Variants in EHD4 observed in about 807,000 individuals in gnomAD.
The protein encoded by EHD4 is EH domain containing 4.
Under a neutral mutation model 51.0 loss-of-function variants are expected in EHD4, and 37 were observed. The ratio of observed to expected loss-of-function variants is 0.73; its 90% confidence interval spans 0.56 to 0.95. EHD4 has a LOEUF of 0.95. EHD4 is among the 40% of genes least tolerant of loss of function. The pLI is 0.00. For synonymous variants in EHD4, 297 were observed against 317.3 expected (o/e 0.94, Z 0.68); for missense variants, 632 against 733.1 (o/e 0.86, Z 1.59).
At chr15:41,964,326 T>C (rs1566828242) in intron 1 of EHD4, among the ~76,000 whole-genome samples, 1 of 152,098 alleles carries the variant, frequency 6.6e-6, no homozygotes, top group African/African-American at 2.4e-5. Flanking sequence ...GAGTGCCCCA[T>C]GGCTCACGCC....
At chr15:41,961,727 A>G (rs1353744701) in intron 1 of EHD4, among the ~76,000 whole-genome samples, 1 of 152,244 alleles carries the variant, frequency 6.6e-6, no homozygotes, top group African/African-American at 2.4e-5. Flanking sequence ...TAATTTATAG[A>G]TAAGAAGCCA....
intron 2 of EHD4, among the ~76,000 whole-genome samples, chr15:41,949,397 C>A (rs371678916): frequency 1.3e-5 from 2 of 151,854 alleles, no homozygotes; most frequent in African/African-American, 4.8e-5. Flanking sequence ...AAAATAAAAT[C>A]AAAACTCAAA....
At chr15:41,902,991 C>T (rs1005951412) in intron 5 of EHD4, among the ~76,000 whole-genome samples, 5 of 151,570 alleles carry the variant, frequency 3.3e-5, no homozygotes, top group African/African-American at 1.2e-4. Flanking sequence ...TTGTTTATTG[C>T]AAGAGACAAA....
At chr15:41,969,049 G>A (rs79789105) in intron 1 of EHD4, among the ~76,000 whole-genome samples, 2,288 of 152,292 alleles carry the variant, frequency 0.015, 54 homozygotes, top group African/African-American at 0.052. Context: ...TCTCTACATA[G>A]AAGATCATGT....
chr15:41,962,678 G>C (rs911341763), intron 1 of EHD4, among the ~76,000 whole-genome samples: 2 of 152,016 alleles, frequency 1.3e-5, no homozygotes, highest in African/African-American at 4.8e-5. Context: ...GGGAGGCGGG[G>C]GGCAGCCCCC....
chr15:41,919,629 G>A lies in EHD4; in HGVS notation c.512-7C>T, dbSNP rs773912115. ...ACCTGGCAGAAGTCATAGCCTGGGT[G>A]GAGAGAAGGACACGTCAGTGTAGCC... On this transcript the variant is annotated splice_region_variant and splice_polypyrimidine_tract_variant and intron_variant, in intron 3 of 5. Transcript: ENST00000220325. 6.6e-7 allele frequency: 1 copy of A among 1,508,918 alleles called. No individual in the cohort carries two copies. Among genetic ancestry groups the A allele is most frequent in the Non-Finnish European group, 8.9e-7 (1 of 1,129,650 alleles). 93.5% of individuals were successfully genotyped at this position (1,508,918 alleles called of 1,614,324 possible).
rs142907936 is a variant in EHD4 at position 41,900,984 on chromosome 15, G to A, written c.1287C>T (p.Tyr429=). The A allele has an allele frequency of 6.0e-5, 96 of 1,609,804 alleles. 1 individual carries two copies. Among genetic ancestry groups the A allele is most frequent in the Middle Eastern group, 1.7e-4 (1 of 6,052 alleles). Residue 429 remains tyrosine, a synonymous_variant, in exon 6 of 6, where the codon TAC becomes TAT. Transcript: ENST00000220325. This position sits in a 1 kb window ranked among gnomAD's most constrained non-coding sequence, Gnocchi z 4.8. ...CGGCGCCCTCCTTGGCACCCTCCCC[G>A]TAGCCCTGGTTGAAGGGGCCCTCGG... ...GTTEGPFNQG[Y]GEGAKEGADE...
rs199653510 is a variant in EHD4 at position 41,917,281 on chromosome 15, T to G, written c.924+1929A>C. 2.0e-5 allele frequency among the ~76,000 whole-genome samples: 3 copies of G among 152,010 alleles called. No individual in the cohort carries two copies. The East Asian group carries it at 5.8e-4, about 29-fold the overall frequency. On this transcript the variant is annotated intron_variant, in intron 4 of 5. Transcript: ENST00000220325. ...GATTACAGGTGCCTGCCACCATGCC[T>G]GGCTAATTTTTGTATTTTTAGTAGA... is the stretch of plus-strand genomic sequence containing the variant.
intron 1 of EHD4, among the ~76,000 whole-genome samples, chr15:41,964,731 A>G (rs1416864909): frequency 6.6e-6 from 1 of 150,884 alleles, no homozygotes; most frequent in Non-Finnish European, 1.5e-5. Context: ...AAAGATAGAT[A>G]CATAGATTTA....
intron 1 of EHD4, among the ~76,000 whole-genome samples, chr15:41,958,815 T>C (rs1448960673): frequency 1.3e-5 from 2 of 152,180 alleles, no homozygotes; most frequent in African/African-American, 2.4e-5. Flanking sequence ...AACTACCTTA[T>C]GGGCAGGTAC....
chr15:41,948,819 A>T (rs193152230), intron 2 of EHD4, among the ~76,000 whole-genome samples: 1 of 151,844 alleles, frequency 6.6e-6, no homozygotes, highest in Non-Finnish European at 1.5e-5. Context: ...GCTTGGGCCC[A>T]GGAGTTCAAG....
intron 3 of EHD4, among the ~76,000 whole-genome samples, chr15:41,927,110 C>T (rs915505232): frequency 2.0e-5 from 3 of 152,200 alleles, no homozygotes; most frequent in Admixed American, 1.3e-4. Flanking sequence ...AGCACTTATA[C>T]TCTGAAATGG....
At chr15:41,968,992 A>G (rs1393987780) in intron 1 of EHD4, among the ~76,000 whole-genome samples, 1 of 152,180 alleles carries the variant, frequency 6.6e-6, no homozygotes, top group Non-Finnish European at 1.5e-5. Context: ...TTGTTGAACT[A>G]TAGTTTCCCC....
At chr15:41,904,600 C>T (rs967707226) in intron 5 of EHD4, among the ~76,000 whole-genome samples, 1 of 152,248 alleles carries the variant, frequency 6.6e-6, no homozygotes, top group Non-Finnish European at 1.5e-5. Context: ...TTCCCAGCCC[C>T]GTCTCTGGTG....
chr15:41,936,028 C>T (rs11638621), intron 3 of EHD4, among the ~76,000 whole-genome samples: 69,091 of 152,102 alleles, frequency 0.45, 16,740 homozygotes, highest in East Asian at 0.62. Flanking sequence ...ATGACAACTA[C>T]TAAGAGTAGT....
intron 4 of EHD4, among the ~76,000 whole-genome samples, chr15:41,918,257 C>G (rs2067599228): frequency 6.7e-6 from 1 of 148,174 alleles, no homozygotes. Context: ...CATGTTTACA[C>G]ACATGCATAT....
rs1230510040 is a variant in EHD4 at position 41,972,498 on chromosome 15, G to GC, written c.-5dup. ...GCCGCCCCATCCAGCTGAACATCCT[G>GC]CCGCCAGTCCACGCTCGGATGGGAC... On this transcript the variant is annotated 5_prime_UTR_variant, in exon 1 of 6. Coordinates refer to ENST00000220325, the MANE Select transcript of EHD4 (RefSeq NM_139265.4). 2 of 1,509,520 alleles carry GC rather than the reference G, an allele frequency of 1.3e-6. No homozygotes were observed. The highest frequency in any genetic ancestry group is 1.8e-6 in the Non-Finnish European group (2 of 1,132,282). 93.5% of individuals were successfully genotyped at this position (1,509,520 alleles called of 1,614,324 possible).
chr15:41,904,848 T>A (rs996866856), intron 5 of EHD4, among the ~76,000 whole-genome samples: 3 of 152,156 alleles, frequency 2.0e-5, no homozygotes, highest in African/African-American at 7.2e-5. Context: ...TCACGGTCCC[T>A]CCCCAGAGCG....
At chr15:41,939,250 A>G (rs1195617113) in intron 3 of EHD4, among the ~76,000 whole-genome samples, 2 of 152,244 alleles carry the variant, frequency 1.3e-5, no homozygotes, top group Non-Finnish European at 2.9e-5. Flanking sequence ...AGTTTGTAGG[A>G]CTTTTAGGAA....
Sources: allele counts gnomAD v4.1 joint callset (sites outside exome capture counted in the v4.1 genomes callset), GRCh38; gene constraint gnomAD v4.1.1; non-coding constraint Gnocchi (gnomAD v3.1); transcripts MANE v1.5; gene names NCBI Gene and HGNC (gene_info 2026-07-23, HGNC 2026-07-21).